The following FKBP9 variants were observed in gnomAD, a reference collection of about 807,000 sequenced individuals.
FKBP9 encodes the protein peptidyl-prolyl cis-trans isomerase FKBP9.
FKBP9 carries 27 observed loss-of-function variants against 55.6 expected under a neutral mutation model. The ratio of observed to expected loss-of-function variants is 0.49; its 90% CI spans 0.36 to 0.67. FKBP9 has a LOEUF of 0.67. Ranked by LOEUF, FKBP9 falls within the 30% of genes least tolerant of loss-of-function variation. The pLI is 0.00. For synonymous variants in FKBP9, 267 were observed against 296.5 expected (o/e 0.90, Z 1.02); for missense variants, 539 against 742.8 (o/e 0.73, Z 3.19).
Position 32,996,209 on chromosome 7 carries a change from C to T in FKBP9, c.1086C>T (p.Ile362=), listed in dbSNP as rs770065416. 59 of 1,613,984 alleles carry T rather than the reference C, an allele frequency of 3.7e-5. 1 individual carries two copies. In the South Asian group the frequency reaches 4.9e-4, roughly 14 times the overall value. The change falls in exon 7 of 10, where the codon ATC becomes ATT. Residue 362 remains isoleucine (I), a synonymous_variant. Coordinates refer to ENST00000242209, the MANE Select transcript of FKBP9 (RefSeq NM_007270.5). ...TGCTGGTGTTTGACATCCATGTGAT[C>T]GACTTCCACAACCCTTCGGACTCCA... ...SAVLVFDIHV[I]DFHNPSDSIS...
At chr7:32,982,510 C>T (rs533609739) in intron 5 of FKBP9, among the ~76,000 whole-genome samples, 19 of 152,136 alleles carry the variant, frequency 1.2e-4, no homozygotes, top group African/African-American at 4.1e-4. Flanking sequence ...ATCTACATGG[C>T]GTCCCATTGG....
intron 5 of FKBP9, among the ~76,000 whole-genome samples, chr7:32,983,361 C>CAG (rs1784521166): frequency 6.7e-6 from 1 of 149,616 alleles, no homozygotes; most frequent in South Asian, 2.1e-4. Flanking sequence ...GTCACCCAGG[C>CAG]TGGAATGCAG....
At chr7:32,999,323 C>T (rs774266626) in intron 7 of FKBP9, among the ~76,000 whole-genome samples, 1 of 152,112 alleles carries the variant, frequency 6.6e-6, no homozygotes, top group Non-Finnish European at 1.5e-5. Flanking sequence ...GAGTAAAGAA[C>T]ATCAACACTG....
chr7:33,000,166 G>T lies in FKBP9; in HGVS notation c.1278G>T (p.Val426=), dbSNP rs779245562. Residue 426 remains valine, a synonymous_variant, in exon 8 of 10, where the codon GTG becomes GTT. Coordinates refer to ENST00000242209, the MANE Select transcript of FKBP9 (RefSeq NM_007270.5). ...TTGTTCTGGGATCTGGGCAAGTTGT[G>T]TTGGGGATGGACATGGGTCTCAGAG... is the stretch of plus-strand genomic sequence containing the variant. ...YNIVLGSGQV[V]LGMDMGLREM... 5.6e-6 allele frequency: 9 copies of T among 1,613,998 alleles called. No homozygotes were observed. The East Asian group carries it at 2.0e-4, about 36-fold the overall frequency.
At chr7:32,959,193 C>G (rs1023920399) in intron 1 of FKBP9, among the ~76,000 whole-genome samples, 64 of 151,934 alleles carry the variant, frequency 4.2e-4, no homozygotes, top group Non-Finnish European at 7.4e-4. Flanking sequence ...ATCACGAGGT[C>G]AGGAGATCGA....
intron 1 of FKBP9, among the ~76,000 whole-genome samples, chr7:32,971,181 A>T (rs1237252439): frequency 6.6e-6 from 1 of 152,110 alleles, no homozygotes; most frequent in Non-Finnish European, 1.5e-5. Context: ...TTTCATGACC[A>T]GTTCTGGGCT....
intron 1 of FKBP9, among the ~76,000 whole-genome samples, chr7:32,962,380 G>A (rs990309541): frequency 4.6e-5 from 7 of 152,214 alleles, no homozygotes; most frequent in Admixed American, 4.6e-4. Context: ...GGCAACGAGA[G>A]CTAAACTCCT....
intron 1 of FKBP9, among the ~76,000 whole-genome samples, chr7:32,973,684 T>TG (rs1166258587): frequency 1.7e-4 from 7 of 40,588 alleles, no homozygotes; most frequent in Admixed American, 8.6e-4. Flanking sequence ...TTTTTGTTGT[T>TG]TTTTTTTTTT....
At chr7:32,972,638 T>C (rs1784275198) in intron 1 of FKBP9, among the ~76,000 whole-genome samples, 1 of 152,178 alleles carries the variant, frequency 6.6e-6, no homozygotes, top group Non-Finnish European at 1.5e-5. Flanking sequence ...TAATATTTCA[T>C]GTATTGCCTT....
chr7:33,003,544 A>T (rs1000661007), intron 9 of FKBP9, among the ~76,000 whole-genome samples: 49 of 151,780 alleles, frequency 3.2e-4, no homozygotes, highest in African/African-American at 1.0e-3. Context: ...TCTCTCCTAA[A>T]CCCACTCCTT....
chr7:32,993,210 G>A, intron 6 of FKBP9: 1 of 232,240 alleles, frequency 4.3e-6, no homozygotes, highest in Non-Finnish European at 8.5e-6. Flanking sequence ...AAAATTTGTG[G>A]TAAAATATAC....
chr7:32,995,844 A>G (rs1044755361), intron 6 of FKBP9, among the ~76,000 whole-genome samples: 8 of 152,162 alleles, frequency 5.3e-5, no homozygotes, highest in Non-Finnish European at 7.3e-5. Context: ...TCTGTGATCA[A>G]CTTAGCCACT....
At chr7:32,998,375 T>G (rs889720523) in intron 7 of FKBP9, among the ~76,000 whole-genome samples, 1 of 152,138 alleles carries the variant, frequency 6.6e-6, no homozygotes, top group Non-Finnish European at 1.5e-5. Context: ...GAATTCCTTC[T>G]CGGAGGCTCC....
At chr7:33,003,378 T>A (rs1784969696) in intron 9 of FKBP9, among the ~76,000 whole-genome samples, 1 of 152,230 alleles carries the variant, frequency 6.6e-6, no homozygotes, top group Non-Finnish European at 1.5e-5. Flanking sequence ...TCTCTCCACA[T>A]CATCAGCCCT....
At chr7:32,979,704 T>A (rs1318675168) in intron 4 of FKBP9, 1 of 771,864 alleles carries the variant, frequency 1.3e-6, no homozygotes, top group Non-Finnish European at 2.3e-6. Flanking sequence ...AATCTCTTCA[T>A]GTGGATTTCA....
At chr7:32,961,507 T>C (rs1784023883) in intron 1 of FKBP9, among the ~76,000 whole-genome samples, 1 of 151,952 alleles carries the variant, frequency 6.6e-6, no homozygotes, top group Admixed American at 6.6e-5. Context: ...AAAACAGGGG[T>C]ACTGAAATGG....
At chr7:32,997,213 G>A (rs1181075066) in intron 7 of FKBP9, among the ~76,000 whole-genome samples, 1 of 152,132 alleles carries the variant, frequency 6.6e-6, no homozygotes, top group Admixed American at 6.5e-5. Context: ...GGGATTGCAG[G>A]CACGCACCAC....
Position 33,002,793 on chromosome 7 carries a change from T to C in FKBP9, c.1490T>C (p.Phe497Ser), listed in dbSNP as rs776933587. The C allele has an allele frequency of 4.3e-6, 7 of 1,614,142 alleles. No homozygotes were observed. The highest frequency in any genetic ancestry group is 2.2e-5 in the East Asian group (1 of 44,886). ...AATGGTGAGGTGTCACCCAACCTCTTTGAAGAAATTGACAAGGATGGCAAC... is the reference window on the plus strand; with the variant it reads ...AATGGTGAGGTGTCACCCAACCTCTCTGAAGAAATTGACAAGGATGGCAAC... ...IWNGEVSPNL[F>S]EEIDKDGNGE... is the part of the protein sequence containing the mutation. Residue 497 changes from phenylalanine (F) to serine (S), a missense_variant, in exon 9 of 10, where the codon TTT (phenylalanine) becomes TCT (serine). Phe to Ser is a radical substitution (Grantham distance 155). Transcript: ENST00000242209.
Position 32,996,191 on chromosome 7 carries a change from G to A in FKBP9, c.1068G>A (p.Val356=). The change falls in exon 7 of 10, where the codon GTG becomes GTA. Residue 356 remains valine, a synonymous_variant. Coordinates refer to ENST00000242209, the MANE Select transcript of FKBP9 (RefSeq NM_007270.5). ...ATATCCCCGGCTCGGCTGTGCTGGT[G>A]TTTGACATCCATGTGATCGACTTCC... is the stretch of plus-strand genomic sequence containing the variant. ...RGNIPGSAVL[V]FDIHVIDFHN... 1 of 1,614,168 alleles carries A rather than the reference G, an allele frequency of 6.2e-7. No homozygotes were observed. The highest frequency in any genetic ancestry group is 1.7e-5 in the Admixed American group (1 of 60,020).
Sources: gnomAD v4.1 joint callset for allele counts (sites outside exome capture counted in the v4.1 genomes callset) on GRCh38, gnomAD v4.1.1 for gene constraint, MANE v1.5 for transcripts, NCBI Gene and HGNC (gene_info 2026-07-23, HGNC 2026-07-21) for gene names.